GNG4: variants seen among roughly 807,000 people sequenced by gnomAD.
The protein encoded by GNG4 is guanine nucleotide-binding protein G(I)/G(S)/G(O) subunit gamma-4.
Under a neutral mutation model 5.8 loss-of-function variants are expected in GNG4, and 4 were observed. The observed-to-expected ratio is 0.69, with a 90% CI of 0.34 to 1.57. The LOEUF is 1.57. Ranked by LOEUF, GNG4 falls within the 40% of genes most tolerant of loss-of-function variation. GNG4 has a pLI of 0.06. For synonymous variants in GNG4, 29 were observed against 32.9 expected, an observed-to-expected ratio of 0.88 and a Z score of 0.41; for missense variants, 96 against 95.1, an observed-to-expected ratio of 1.01 and a Z score of -0.04.
intron 3 of GNG4, among the ~76,000 whole-genome samples, chr1:235,573,045 C>T (rs1687384394): frequency 6.6e-6 from 1 of 152,042 alleles, no homozygotes; most frequent in South Asian, 2.1e-4. Flanking sequence ...TATTGTGGCA[C>T]TATTCACAAT....
At chr1:235,612,092 G>GT in intron 1 of GNG4, among the ~76,000 whole-genome samples, 1 of 105,694 alleles carries the variant, frequency 9.5e-6, no homozygotes, top group African/African-American at 5.6e-5. Context: ...AAAAAAAAAA[G>GT]AGGAGAAAGA....
At position 235,601,896 on chromosome 1, in the gene GNG4, T is replaced by C. The variant is rs559701864; in HGVS notation, c.-122-6385A>G. 1.9e-4 allele frequency among the ~76,000 whole-genome samples: 29 copies of C among 152,112 alleles called. No individual in the cohort carries two copies. In the South Asian group the frequency reaches 6.0e-3, roughly 32 times the overall value. On this transcript the variant is annotated intron_variant, in intron 1 of 3. Transcript: ENST00000391854. ...GTGGCCTGAGTGGTGCCTCCAGGTG[T>C]GGTCCCTGGACCGGAGGCATCAATG...
chr1:235,580,368 C>G (rs917979342), intron 3 of GNG4, among the ~76,000 whole-genome samples: 1 of 152,008 alleles, frequency 6.6e-6, no homozygotes, highest in African/African-American at 2.4e-5. Flanking sequence ...GTGAATGTAC[C>G]TAATACTGAT....
chr1:235,611,833 C>T (rs561692158), intron 1 of GNG4, among the ~76,000 whole-genome samples: 3 of 151,932 alleles, frequency 2.0e-5, no homozygotes, highest in East Asian at 1.9e-4. Context: ...GAGGTCGAGG[C>T]GGGAGGATCG....
chr1:235,595,700 G>A (rs1354462634), intron 1 of GNG4, among the ~76,000 whole-genome samples, 189 bp from the exon 2 acceptor site: 1 of 152,072 alleles, frequency 6.6e-6, no homozygotes. Flanking sequence ...CCTCAGATCT[G>A]ACCCAGAGCA....
intron 1 of GNG4, among the ~76,000 whole-genome samples, chr1:235,605,364 T>C (rs1390808330): frequency 6.6e-6 from 1 of 152,056 alleles, no homozygotes; most frequent in Non-Finnish European, 1.5e-5. Context: ...CTAATATTTG[T>C]ATTTTTAGTC....
Position 235,648,109 on chromosome 1 carries a change from G to A in GNG4, c.-123+1553C>T, listed in dbSNP as rs976632441. On this transcript the variant is annotated intron_variant, in intron 1 of 3. Coordinates refer to ENST00000391854, the MANE Select transcript of GNG4 (RefSeq NM_001098722.2). This position sits in a 1 kb window ranked among gnomAD's most constrained non-coding sequence, Gnocchi z 5.0. ...CTGGGAATGGCCCCTTAGCTGTGCT[G>A]TTTCTGAGCCAGGCCTACATCCTCC... is the stretch of plus-strand genomic sequence containing the variant. Among the ~76,000 whole-genome samples, 2 of 151,740 alleles carry A rather than the reference G, an allele frequency of 1.3e-5. 1 individual carries two copies. The highest frequency in any genetic ancestry group is 2.9e-5 in the Non-Finnish European group (2 of 67,972).
chr1:235,633,668 T>C lies in GNG4; in HGVS notation c.-123+15994A>G, dbSNP rs145004961. ...GTGCCCAGCTAATTTTTAAAATTTTTTGTAGAGACAGAAGTTCACTTTGTT... is the reference window on the plus strand; with the variant it reads ...GTGCCCAGCTAATTTTTAAAATTTTCTGTAGAGACAGAAGTTCACTTTGTT... On this transcript the variant is annotated intron_variant, in intron 1 of 3. Transcript: ENST00000391854. Among the ~76,000 whole-genome samples the C allele has an allele frequency of 9.7e-3, 1,475 of 152,194 alleles. 19 individuals are homozygous for C. The highest frequency in any genetic ancestry group is 0.031 in the African/African-American group (1,305 of 41,492).
At chr1:235,568,156 CT>C (rs748725987) in intron 3 of GNG4, among the ~76,000 whole-genome samples, 17 of 67,690 alleles carry the variant, frequency 2.5e-4, no homozygotes, top group Non-Finnish European at 1.7e-4. Flanking sequence ...AATAAATCTG[CT>C]TTTTTTTTTT....
chr1:235,634,910 C>T (rs946730062), intron 1 of GNG4, among the ~76,000 whole-genome samples: 1 of 151,686 alleles, frequency 6.6e-6, no homozygotes, highest in Non-Finnish European at 1.5e-5. Flanking sequence ...CTCCAGCCTG[C>T]GCGACAAGAG....
chr1:235,616,476 C>T, intron 1 of GNG4: 4 of 228,332 alleles, frequency 1.8e-5, no homozygotes, highest in Non-Finnish European at 3.4e-5. Flanking sequence ...TCGCCATCCA[C>T]AAAGCACCGT....
intron 2 of GNG4, among the ~76,000 whole-genome samples, chr1:235,591,244 G>T (rs988270663): frequency 2.2e-4 from 33 of 152,174 alleles, no homozygotes; most frequent in African/African-American, 7.7e-4. Flanking sequence ...TTGGCCTAGT[G>T]GCGCTTAGGA....
At chr1:235,556,220 A>G (rs1052534722) in intron 3 of GNG4, among the ~76,000 whole-genome samples, 1 of 152,030 alleles carries the variant, frequency 6.6e-6, no homozygotes, top group Non-Finnish European at 1.5e-5. Context: ...TTTACAGATG[A>G]GGAAACTGAG....
intron 3 of GNG4, among the ~76,000 whole-genome samples, chr1:235,565,222 G>A (rs1174092973): frequency 6.6e-6 from 1 of 152,064 alleles, no homozygotes; most frequent in East Asian, 1.9e-4. Context: ...GTGGCAGTTG[G>A]CCCAGCGCAG....
intron 2 of GNG4, among the ~76,000 whole-genome samples, chr1:235,593,141 G>T: frequency 6.6e-6 from 1 of 152,204 alleles, no homozygotes; most frequent in Middle Eastern, 3.4e-3. Flanking sequence ...TAGAGATGGG[G>T]TTTCACCATG....
chr1:235,630,460 G>A (rs561930348), intron 1 of GNG4, among the ~76,000 whole-genome samples: 12 of 152,308 alleles, frequency 7.9e-5, no homozygotes, highest in South Asian at 6.2e-4. Context: ...ATCAGATGCC[G>A]TCATCAAGGC....
At chr1:235,561,364 TTCTC>T (rs1327741959) in intron 3 of GNG4, among the ~76,000 whole-genome samples, 1 of 151,766 alleles carries the variant, frequency 6.6e-6, no homozygotes. Flanking sequence ...GTTTTAAGGG[TTCTC>T]TCTCTCTTGC....
chr1:235,626,474 A>C lies in GNG4; in HGVS notation c.-123+23188T>G, dbSNP rs7545842. 3.6e-3 allele frequency among the ~76,000 whole-genome samples: 553 copies of C among 152,188 alleles called. 5 individuals are homozygous for C. The highest frequency in any genetic ancestry group is 0.012 in the African/African-American group (491 of 41,528). On this transcript the variant is annotated intron_variant, in intron 1 of 3. Transcript: ENST00000391854. Reference sequence around the variant, plus strand: ...CTAGAACACAGAATTTAAAGAGGTGATCTATCTCAGGGCCTTGCAAGTGCG... The same window carrying C: ...CTAGAACACAGAATTTAAAGAGGTGCTCTATCTCAGGGCCTTGCAAGTGCG...
chr1:235,606,716 T>C (rs1688368105), intron 1 of GNG4, among the ~76,000 whole-genome samples: 1 of 151,974 alleles, frequency 6.6e-6, no homozygotes, highest in Non-Finnish European at 1.5e-5. Context: ...CACAGGGAGT[T>C]TGGGCTGAAG....
Sources: gnomAD v4.1 joint callset for allele counts (sites outside exome capture counted in the v4.1 genomes callset) on GRCh38, gnomAD v4.1.1 for gene constraint, Gnocchi (gnomAD v3.1) non-coding constraint, MANE v1.5 for transcripts, NCBI Gene and HGNC (gene_info 2026-07-23, HGNC 2026-07-21) for gene names.